The following PDE10A variants were observed in gnomAD, a reference collection of about 807,000 sequenced individuals.
The protein encoded by PDE10A is cAMP and cAMP-inhibited cGMP 3',5'-cyclic phosphodiesterase 10A.
PDE10A carries 39 observed loss-of-function variants against 97.7 expected under a neutral mutation model. The observed-to-expected ratio is 0.40, with a 90% CI of 0.31 to 0.52. The LOEUF (loss-of-function observed/expected upper bound fraction) is 0.52. Among genes scored for constraint, PDE10A ranks in the 20% least tolerant of loss-of-function variants. PDE10A has a pLI of 0.56. For missense variants in PDE10A, 731 were observed against 1,047.8 expected, an observed-to-expected ratio of 0.70 and a Z score of 4.17; for synonymous variants, 371 against 376.8, an observed-to-expected ratio of 0.98 and a Z score of 0.18.
At chr6:165,915,286 G>T (rs1013025198) in intron 1 of PDE10A, among the ~76,000 whole-genome samples, 2 of 152,136 alleles carry the variant, frequency 1.3e-5, no homozygotes, top group Non-Finnish European at 2.9e-5. Flanking sequence ...CTGTGACAAG[G>T]TCCCTTTCCT....
intron 1 of PDE10A, among the ~76,000 whole-genome samples, chr6:165,802,501 G>A (rs544182110): frequency 9.5e-4 from 145 of 152,328 alleles, no homozygotes; most frequent in African/African-American, 3.1e-3. Flanking sequence ...AGGAAACACA[G>A]GAACTACAAT....
intron 1 of PDE10A, among the ~76,000 whole-genome samples, chr6:165,619,730 T>TAGAGTAGTCTAGTGC (rs1788031708): frequency 6.7e-6 from 1 of 148,700 alleles, no homozygotes; most frequent in Non-Finnish European, 1.5e-5. Context: ...CAGTGTAGTG[T>TAGAGTAGTCTAGTGC]AGTGTAGTCT....
chr6:165,876,219 T>C (rs538195137), intron 1 of PDE10A, among the ~76,000 whole-genome samples: 14 of 152,312 alleles, frequency 9.2e-5, no homozygotes, highest in Middle Eastern at 3.4e-3. Flanking sequence ...GGGGTATACT[T>C]ATCAATGAGT....
intron 2 of PDE10A, among the ~76,000 whole-genome samples, chr6:165,539,539 C>T (rs1226563221): frequency 1.3e-5 from 2 of 152,144 alleles, no homozygotes; most frequent in Non-Finnish European, 2.9e-5. Context: ...GACTGAGAAC[C>T]CTTTAACAAT....
intron 1 of PDE10A, among the ~76,000 whole-genome samples, chr6:165,719,263 G>A (rs1174172128): frequency 2.0e-5 from 3 of 152,186 alleles, no homozygotes; most frequent in Non-Finnish European, 2.9e-5. Flanking sequence ...AGCACACACT[G>A]GGGCAATGGA....
intron 1 of PDE10A, among the ~76,000 whole-genome samples, chr6:165,629,721 A>T (rs2128413894): frequency 6.6e-6 from 1 of 152,042 alleles, no homozygotes; most frequent in African/African-American, 2.4e-5. Context: ...TTTTGTGGAG[A>T]CAAGTTTTCA....
intron 1 of PDE10A, among the ~76,000 whole-genome samples, chr6:165,689,833 G>A (rs535499715): frequency 1.2e-4 from 19 of 152,044 alleles, no homozygotes; most frequent in African/African-American, 4.4e-4. Context: ...CCCATGGTAC[G>A]AGCTCAATAC....
At chr6:165,605,907 C>A (rs1787184508) in intron 1 of PDE10A, among the ~76,000 whole-genome samples, 1 of 152,090 alleles carries the variant, frequency 6.6e-6, no homozygotes, top group Non-Finnish European at 1.5e-5. Flanking sequence ...GCTGTACAAC[C>A]TTTATTAATA....
intron 1 of PDE10A, among the ~76,000 whole-genome samples, chr6:165,670,324 C>T (rs1442561862): frequency 5.3e-5 from 8 of 152,150 alleles, no homozygotes; most frequent in Non-Finnish European, 8.8e-5. Flanking sequence ...CACAAAGAAA[C>T]GCATTTCAGC....
intron 1 of PDE10A, among the ~76,000 whole-genome samples, chr6:165,907,577 C>T (rs1241433604): frequency 2.0e-5 from 3 of 152,254 alleles, no homozygotes; most frequent in Non-Finnish European, 2.9e-5. Flanking sequence ...AGCTTCCTTT[C>T]CCCCTCATCA....
At chr6:165,829,227 C>T (rs568635150) in intron 1 of PDE10A, among the ~76,000 whole-genome samples, 2 of 152,326 alleles carry the variant, frequency 1.3e-5, no homozygotes, top group East Asian at 1.9e-4. Context: ...TCCCTGATAT[C>T]GCTGCTCCCC....
chr6:165,496,284 A>G (rs1199903219), intron 2 of PDE10A, among the ~76,000 whole-genome samples: 1 of 152,128 alleles, frequency 6.6e-6, no homozygotes, highest in African/African-American at 2.4e-5. Flanking sequence ...AAGAGCAATA[A>G]GCCCACTGAT....
rs202158867 is a variant in PDE10A at position 165,544,612 on chromosome 6, G to GA, written c.866-1045dup. Among the ~76,000 whole-genome samples the GA allele has an allele frequency of 4.0e-3, 590 of 148,974 alleles. 2 individuals are homozygous for GA. Among genetic ancestry groups the GA allele is most frequent in the Middle Eastern group, 0.014 (4 of 280 alleles). ...AAAGCAATGAAAAACTGCACTCTGA[G>GA]AAAAAAAAGAAGGAAAGGAAGCATA... On this transcript the variant is annotated intron_variant, in intron 1 of 21. Coordinates refer to ENST00000539869, the MANE Select transcript of PDE10A (RefSeq NM_001385079.1).
chr6:165,430,576 T>C (rs1789479480), intron 8 of PDE10A, among the ~76,000 whole-genome samples: 3 of 152,116 alleles, frequency 2.0e-5, no homozygotes, highest in Admixed American at 2.0e-4. Flanking sequence ...ACATTATAGG[T>C]TTGGAATTTA....
At chr6:165,471,836 T>TA (rs1454731235) in intron 3 of PDE10A, among the ~76,000 whole-genome samples, 1 of 152,158 alleles carries the variant, frequency 6.6e-6, no homozygotes, top group African/African-American at 2.4e-5. Context: ...CAATCACCCC[T>TA]GGCAATGAAA....
At chr6:165,943,360 G>GAAAAAGAAAGAAAGAAAGAAAGAAAGAA (rs796075995) in intron 1 of PDE10A, among the ~76,000 whole-genome samples, 1 of 78,036 alleles carries the variant, frequency 1.3e-5, no homozygotes, top group African/African-American at 5.4e-5. Flanking sequence ...AAGAAAGAAA[G>GAAAAAGAAAGAAAGAAAGAAAGAAAGAA]AGAAAGAAAG....
At chr6:165,612,011 C>T (rs1222913327) in intron 1 of PDE10A, among the ~76,000 whole-genome samples, 1 of 152,168 alleles carries the variant, frequency 6.6e-6, no homozygotes, top group Non-Finnish European at 1.5e-5. Context: ...ACATATGTTA[C>T]CCACATGCAA....
chr6:165,606,122 C>G (rs1787194667), intron 1 of PDE10A, among the ~76,000 whole-genome samples: 1 of 136,972 alleles, frequency 7.3e-6, no homozygotes, highest in Non-Finnish European at 1.5e-5. Context: ...ACAGTCTGAC[C>G]TTGAGCAAAT....
At chr6:165,411,721 G>A (rs532819084) in intron 13 of PDE10A, among the ~76,000 whole-genome samples, 1 of 152,280 alleles carries the variant, frequency 6.6e-6, no homozygotes, top group South Asian at 2.1e-4. Context: ...TAGGAGTTAT[G>A]AGACATTACA....
Sources: gnomAD v4.1 joint callset for allele counts (sites outside exome capture counted in the v4.1 genomes callset) on GRCh38, gnomAD v4.1.1 for gene constraint, MANE v1.5 for transcripts, NCBI Gene and HGNC (gene_info 2026-07-23, HGNC 2026-07-21) for gene names.